Variants in CCDC14 observed in about 807,000 individuals in gnomAD.
CCDC14 encodes coiled-coil domain-containing protein 14.
CCDC14 carries 71 observed loss-of-function variants against 81.4 expected under a neutral mutation model. The observed-to-expected ratio is 0.87, with a 90% CI of 0.72 to 1.06. The LOEUF is 1.06. Ranked by LOEUF, CCDC14 falls within the 50% of genes least tolerant of loss-of-function variation. The pLI, the probability that CCDC14 is intolerant of heterozygous loss-of-function variation, is 0.00. For synonymous variants in CCDC14, 332 were observed against 364.8 expected (o/e 0.91, Z 1.03); for missense variants, 1,046 against 1,047.3 (o/e 1.00, Z 0.02).
chr3:123,934,986 C>G (rs1197365812), intron 9 of CCDC14, among the ~76,000 whole-genome samples: 1 of 152,040 alleles, frequency 6.6e-6, no homozygotes, highest in Non-Finnish European at 1.5e-5. Context: ...AAGATTTAAC[C>G]ATAGCAAAAT....
chr3:123,957,651 T>C (rs1170227220), intron 1 of CCDC14: 3 of 152,112 alleles, frequency 2.0e-5, no homozygotes, highest in Non-Finnish European at 4.4e-5. Flanking sequence ...TTTACATGCA[T>C]CCAGTATCTT....
chr3:123,946,467 C>T (rs1452869687), intron 8 of CCDC14, among the ~76,000 whole-genome samples: 4 of 152,050 alleles, frequency 2.6e-5, no homozygotes, highest in Non-Finnish European at 5.9e-5. Flanking sequence ...TCAGTCTACT[C>T]AGGGAGTTAA....
chr3:123,952,580 T>A (rs758433970), intron 5 of CCDC14: 2 of 528,306 alleles, frequency 3.8e-6, no homozygotes, highest in South Asian at 2.8e-5. Context: ...CCAGAATGCA[T>A]CATGGTGTGC....
intron 9 of CCDC14, among the ~76,000 whole-genome samples, chr3:123,937,953 A>G (rs1230753852): frequency 6.6e-6 from 1 of 151,890 alleles, no homozygotes; most frequent in African/African-American, 2.4e-5. Flanking sequence ...TATCTTTGCA[A>G]AACACTATCT....
In CCDC14 at chr3:123,914,204, A is replaced by C. The variant is rs2034529348; in HGVS notation, c.*575T>G. The C allele has an allele frequency of 1.0e-6, 1 of 984,594 alleles. No individual in the cohort carries two copies. Among genetic ancestry groups the C allele is most frequent in the Non-Finnish European group, 1.2e-6 (1 of 828,924 alleles). The allele number at this position is 984,594 out of a possible 1,614,324, so 61.0% of individuals were successfully genotyped here. The stretch of plus-strand genomic sequence containing the variant: ...CCAAGTTTTAAGAAGCCATATGTTA[A>C]CTTAGGATGTTATCTATATATTTTT... On this transcript the variant is annotated 3_prime_UTR_variant, in exon 13 of 13. Coordinates refer to ENST00000409697, the MANE Select transcript of CCDC14 (RefSeq NM_001366335.1).
chr3:123,936,600 C>T (rs188609409), intron 9 of CCDC14, among the ~76,000 whole-genome samples: 5 of 152,056 alleles, frequency 3.3e-5, no homozygotes, highest in Admixed American at 6.6e-5. Context: ...AAAGCAAATA[C>T]CACATTCTCA....
chr3:123,930,414 A>C (rs1664649154), intron 12 of CCDC14, among the ~76,000 whole-genome samples: 2 of 152,230 alleles, frequency 1.3e-5, no homozygotes, highest in Admixed American at 1.3e-4. Context: ...TTTAGGCCTC[A>C]GATAACTGAC....
chr3:123,952,516 C>A (rs182472369), intron 5 of CCDC14: 196 of 442,318 alleles, frequency 4.4e-4, no homozygotes, highest in African/African-American at 2.9e-3. Context: ...ATGCCAGAAG[C>A]ACTCTCAAAT....
chr3:123,947,586 T>C (rs1045093333), intron 7 of CCDC14, among the ~76,000 whole-genome samples: 2 of 152,168 alleles, frequency 1.3e-5, no homozygotes, highest in African/African-American at 4.8e-5. Context: ...AAACTTTTTG[T>C]ATGTTTAAAC....
intron 5 of CCDC14, chr3:123,952,873 A>G: frequency 4.7e-6 from 1 of 213,184 alleles, no homozygotes. Context: ...AAAATCTTGT[A>G]TTATTGGTTA....
chr3:123,899,592 T>C (rs1340675445), intron 5 of CCDC14, among the ~76,000 whole-genome samples: 1 of 152,208 alleles, frequency 6.6e-6, no homozygotes, highest in African/African-American at 2.4e-5. Flanking sequence ...TGGGATTTCC[T>C]ACCTATGCAG....
chr3:123,898,458 A>G (rs1430884882), intron 5 of CCDC14, among the ~76,000 whole-genome samples: 1 of 152,102 alleles, frequency 6.6e-6, no homozygotes, highest in Non-Finnish European at 1.5e-5. Flanking sequence ...GGTAACCTCT[A>G]TCTGTGCAGT....
intron 1 of CCDC14, chr3:123,959,050 A>G (rs908787133): frequency 4.6e-5 from 7 of 152,218 alleles, no homozygotes; most frequent in Non-Finnish European, 7.4e-5. Flanking sequence ...ATCTGCAGAT[A>G]GAATTTGGGT....
chr3:123,922,671 A>G (rs535525313), intron 12 of CCDC14, among the ~76,000 whole-genome samples: 1 of 152,288 alleles, frequency 6.6e-6, no homozygotes, highest in South Asian at 2.1e-4. Flanking sequence ...AGGAATAGAA[A>G]GTCTGAGCAG....
chr3:123,948,867 C>CA, intron 6 of CCDC14, 29 bp downstream of exon 6: 1 of 1,596,470 alleles, frequency 6.3e-7, no homozygotes, highest in South Asian at 1.1e-5. Flanking sequence ...AACTTACACT[C>CA]ACGATTTTTA....
chr3:123,920,616 G>T (rs1223232125), intron 12 of CCDC14, among the ~76,000 whole-genome samples: 2 of 152,130 alleles, frequency 1.3e-5, no homozygotes, highest in Non-Finnish European at 2.9e-5. Context: ...AGAAATGAGG[G>T]AGAAATAAAA....
At chr3:123,949,367 T>A (rs1363475468) in intron 5 of CCDC14, 6 of 469,852 alleles carry the variant, frequency 1.3e-5, no homozygotes, top group African/African-American at 1.2e-4. Context: ...ACAATTCCCA[T>A]TTTTTATGCT....
chr3:123,941,387 A>G (rs1339959112), intron 9 of CCDC14, among the ~76,000 whole-genome samples: 1 of 152,044 alleles, frequency 6.6e-6, no homozygotes, highest in African/African-American at 2.4e-5. Flanking sequence ...GTCCTGAAAG[A>G]TGTGGTTAAA....
intron 1 of CCDC14, 165 bp from the exon 2 acceptor site, chr3:123,956,960 C>G (rs2037359859): frequency 2.2e-6 from 1 of 464,018 alleles, no homozygotes; most frequent in African/African-American, 2.1e-5. Context: ...CTCCCTGACC[C>G]TAGCAACTAT....
Sources: allele counts gnomAD v4.1 joint callset (sites outside exome capture counted in the v4.1 genomes callset), GRCh38; gene constraint gnomAD v4.1.1; transcripts MANE v1.5; gene names NCBI Gene and HGNC (gene_info 2026-07-23, HGNC 2026-07-21).